The following LPP variants were observed in gnomAD, a reference collection of about 807,000 sequenced individuals.
The protein encoded by LPP is lipoma-preferred partner.
A neutral mutation model predicts 60.4 loss-of-function variants in LPP; 38 were observed. The ratio of observed to expected loss-of-function variants is 0.63; its 90% CI spans 0.49 to 0.83. LPP has a LOEUF of 0.83. Among genes scored for constraint, LPP ranks in the 40% least tolerant of loss-of-function variants. The pLI, the probability that LPP is intolerant of heterozygous loss-of-function variation, is 0.00. For synonymous variants in LPP, 328 were observed against 290.8 expected, an observed-to-expected ratio of 1.13 and a Z score of -1.30; for missense variants, 902 against 783.6, an observed-to-expected ratio of 1.15 and a Z score of -1.80.
chr3:188,710,435 A>G (rs184892113), intron 8 of LPP: 5 of 152,292 alleles, frequency 3.3e-5, no homozygotes, highest in Admixed American at 2.6e-4. Flanking sequence ...CATTTCTTTC[A>G]ACAGTAATAA....
chr3:188,803,516 AT>A (rs1011942868), intron 9 of LPP, among the ~76,000 whole-genome samples: 5 of 152,136 alleles, frequency 3.3e-5, no homozygotes, highest in Non-Finnish European at 7.4e-5. Flanking sequence ...GAGTAAAGGT[AT>A]TTTTCCCCCC....
At chr3:188,370,348 G>A (rs948858151) in intron 3 of LPP, among the ~76,000 whole-genome samples, 1 of 152,192 alleles carries the variant, frequency 6.6e-6, no homozygotes, top group African/African-American at 2.4e-5. Flanking sequence ...GGTGGGGCTG[G>A]AGTTCGCACG....
intron 2 of LPP, among the ~76,000 whole-genome samples, chr3:188,250,407 C>T (rs1367247296): frequency 2.6e-5 from 4 of 152,180 alleles, no homozygotes; most frequent in South Asian, 2.1e-4. Context: ...TCCATCTCTC[C>T]GTCATTGGGG....
chr3:188,872,516 A>T, intron 10 of LPP, 127 bp from the exon 11 acceptor site: 1 of 991,814 alleles, frequency 1.0e-6, no homozygotes, highest in Non-Finnish European at 1.6e-6. Context: ...CCTGAGTCTA[A>T]CTCCCTCACC....
In LPP at chr3:188,239,989, C is replaced by T. The variant is rs2149437529; in HGVS notation, c.-67+14462C>T. On this transcript the variant is annotated intron_variant, in intron 2 of 11. Coordinates refer to ENST00000617246, the MANE Select transcript of LPP (RefSeq NM_001375462.1). ...CTTTACAGTCAGAGAAACTGAGGCC[C>T]AGAGAAGTAAAATGAGTTGCTCAAG... 3 of 197,056 alleles carry T rather than the reference C, an allele frequency of 1.5e-5. No individual in the cohort carries two copies. The East Asian group carries it at 2.4e-4, about 16-fold the overall frequency. 12.2% of individuals were successfully genotyped at this position (197,056 alleles called of 1,614,324 possible).
chr3:188,371,805 C>T (rs1773335777), intron 3 of LPP, among the ~76,000 whole-genome samples: 2 of 149,682 alleles, frequency 1.3e-5, no homozygotes, highest in Admixed American at 6.7e-5. Flanking sequence ...CAGGTGTGCA[C>T]CACGACACCT....
At chr3:188,247,295 C>A in intron 2 of LPP, 1 of 387,088 alleles carries the variant, frequency 2.6e-6, no homozygotes, top group Non-Finnish European at 3.5e-6. Context: ...ATTTTTAGAG[C>A]CTTCATCTGG....
chr3:188,788,682 A>G (rs920377415), intron 9 of LPP, among the ~76,000 whole-genome samples: 3 of 152,152 alleles, frequency 2.0e-5, no homozygotes, highest in Admixed American at 2.0e-4. Flanking sequence ...AAGAAGGATG[A>G]CATCACTGAC....
intron 6 of LPP, among the ~76,000 whole-genome samples, chr3:188,593,059 T>TA (rs1839240254): frequency 6.6e-6 from 1 of 152,116 alleles, no homozygotes; most frequent in South Asian, 2.1e-4. Context: ...AAGTGTATGT[T>TA]TTTCTGATTC....
At chr3:188,399,024 G>A (rs1203905426) in intron 3 of LPP, among the ~76,000 whole-genome samples, 4 of 152,200 alleles carry the variant, frequency 2.6e-5, no homozygotes, top group South Asian at 2.1e-4. Context: ...TTTACTTGGC[G>A]TTGGCTACTT....
rs1165635854 is a variant in LPP, at chr3:188,265,592, G to A, written c.-67+40065G>A. Among the ~76,000 whole-genome samples the A allele has an allele frequency of 2.6e-5, 4 of 152,170 alleles. No homozygotes were observed. In the South Asian group the frequency reaches 6.2e-4, roughly 24 times the overall value. ...GTGCCATTGGGGAGGGCTTTGCTGT[G>A]GGGATTGGGGGAAGGATATTGTTTT... On this transcript the variant is annotated intron_variant, in intron 2 of 11. Coordinates refer to ENST00000617246, the MANE Select transcript of LPP (RefSeq NM_001375462.1).
chr3:188,605,469 A>G (rs770916920), intron 6 of LPP, among the ~76,000 whole-genome samples: 10 of 152,160 alleles, frequency 6.6e-5, no homozygotes, highest in Non-Finnish European at 1.0e-4. Flanking sequence ...TGTTTTTAAT[A>G]TATTGAGTCT....
intron 4 of LPP, among the ~76,000 whole-genome samples, chr3:188,470,636 G>A (rs535071305): frequency 6.6e-6 from 1 of 152,180 alleles, no homozygotes; most frequent in African/African-American, 2.4e-5. Flanking sequence ...ACTATAGAGG[G>A]CTGAAGGTGG....
At chr3:188,203,607 A>G (rs1270234467) in intron 1 of LPP, among the ~76,000 whole-genome samples, 2 of 114,710 alleles carry the variant, frequency 1.7e-5, no homozygotes, top group African/African-American at 6.8e-5. Flanking sequence ...ATATATAAAT[A>G]TATATTTAAA....
intron 5 of LPP, among the ~76,000 whole-genome samples, chr3:188,503,708 G>A (rs1213827541): frequency 2.7e-5 from 4 of 150,816 alleles, no homozygotes; most frequent in African/African-American, 7.3e-5. Flanking sequence ...TTTGCCAGAT[G>A]TAGGATTCGT....
At chr3:188,632,398 G>A (rs939866105) in intron 7 of LPP, among the ~76,000 whole-genome samples, 4 of 152,156 alleles carry the variant, frequency 2.6e-5, no homozygotes. Context: ...GGGCCTGGGT[G>A]GGGAGACTGG....
intron 1 of LPP, among the ~76,000 whole-genome samples, chr3:188,207,206 C>G (rs1733480669): frequency 6.9e-6 from 1 of 145,394 alleles, no homozygotes; most frequent in South Asian, 2.2e-4. Flanking sequence ...GTGACCTACA[C>G]ATTTTCTTTT....
intron 1 of LPP, among the ~76,000 whole-genome samples, chr3:188,203,555 A>AAATATATATATATT (rs1732130098): frequency 4.0e-5 from 4 of 101,126 alleles, no homozygotes; most frequent in Non-Finnish European, 7.3e-5. Flanking sequence ...ATATATTTTT[A>AAATATATATATATT]AATATATATA....
chr3:188,516,609 C>A (rs1817440300), intron 5 of LPP, among the ~76,000 whole-genome samples: 3 of 140,526 alleles, frequency 2.1e-5, no homozygotes, highest in African/African-American at 3.0e-5. Context: ...CTGCCCCACA[C>A]ACTTAAATGT....
Sources: gnomAD v4.1 joint callset for allele counts (sites outside exome capture counted in the v4.1 genomes callset) on GRCh38, gnomAD v4.1.1 for gene constraint, MANE v1.5 for transcripts, NCBI Gene and HGNC (gene_info 2026-07-23, HGNC 2026-07-21) for gene names.